Variants in KCNIP1 observed in about 807,000 individuals in gnomAD.
KCNIP1 encodes potassium voltage-gated channel interacting protein 1.
KCNIP1 carries 18 observed loss-of-function variants against 33.0 expected under a neutral mutation model. The observed-to-expected ratio is 0.55, with a 90% CI of 0.38 to 0.81. The LOEUF is 0.81. Ranked by LOEUF, KCNIP1 falls within the 30% of genes least tolerant of loss-of-function variation. The pLI, the probability that KCNIP1 is intolerant of heterozygous loss-of-function variation, is 0.00. For synonymous variants in KCNIP1, 93 were observed against 98.3 expected (o/e 0.95, Z 0.32); for missense variants, 238 against 271.6 (o/e 0.88, Z 0.87).
intron 1 of KCNIP1, among the ~76,000 whole-genome samples, chr5:170,480,828 T>C (rs1194457518): frequency 1.3e-5 from 2 of 152,168 alleles, no homozygotes; most frequent in African/African-American, 4.8e-5. Flanking sequence ...GTTCCCTCTT[T>C]ACATGTTACC....
chr5:170,685,822 A>G (rs1014794698), intron 1 of KCNIP1, among the ~76,000 whole-genome samples: 3 of 152,180 alleles, frequency 2.0e-5, no homozygotes, highest in Non-Finnish European at 4.4e-5. Flanking sequence ...ATTCCATATC[A>G]TAGATTCTGG....
At chr5:170,515,596 T>C (rs1399339220) in intron 1 of KCNIP1, among the ~76,000 whole-genome samples, 1 of 152,194 alleles carries the variant, frequency 6.6e-6, no homozygotes, top group African/African-American at 2.4e-5. Context: ...CCTTACAGTA[T>C]CCCCAGGAAG....
intron 1 of KCNIP1, among the ~76,000 whole-genome samples, chr5:170,548,191 T>C (rs1452239576): frequency 1.3e-5 from 2 of 152,246 alleles, no homozygotes; most frequent in Admixed American, 6.5e-5. Context: ...AAGACATTTT[T>C]ATAGTGTCTT....
At chr5:170,420,728 C>G (rs887230271) in intron 1 of KCNIP1, 1 of 152,170 alleles carries the variant, frequency 6.6e-6, no homozygotes, top group Non-Finnish European at 1.5e-5. Context: ...CCACATCGTT[C>G]AGGGTCAACT....
At chr5:170,499,662 A>C (rs956540862), upstream of KCNIP1, among the ~76,000 whole-genome samples, 2 of 152,190 alleles carry the variant, frequency 1.3e-5, no homozygotes, top group African/African-American at 4.8e-5. Flanking sequence ...AAACATGGCT[A>C]AGGGAGCACT....
At chr5:170,527,979 G>A (rs6874241) in intron 1 of KCNIP1, among the ~76,000 whole-genome samples, 16,690 of 151,892 alleles carry the variant, frequency 0.11, 1,166 homozygotes, top group Middle Eastern at 0.23. Context: ...GTTATTTTTC[G>A]ATTATCCTTT....
chr5:170,673,586 T>G (rs1762006375), intron 1 of KCNIP1, among the ~76,000 whole-genome samples: 1 of 152,184 alleles, frequency 6.6e-6, no homozygotes, highest in Admixed American at 6.5e-5. Flanking sequence ...GCCTATGCTG[T>G]TAAGTGGGCT....
intron 1 of KCNIP1, among the ~76,000 whole-genome samples, chr5:170,354,845 C>T (rs1255167083): frequency 6.6e-6 from 1 of 152,166 alleles, no homozygotes; most frequent in Non-Finnish European, 1.5e-5. Flanking sequence ...TGATGTGGTT[C>T]CACTGGCTGA....
At chr5:170,578,568 C>T (rs1757681953) in intron 1 of KCNIP1, among the ~76,000 whole-genome samples, 1 of 152,164 alleles carries the variant, frequency 6.6e-6, no homozygotes, top group Admixed American at 6.5e-5. Context: ...CGTGGAGAAT[C>T]ACCGCAGAGC....
intron 1 of KCNIP1, among the ~76,000 whole-genome samples, chr5:170,633,771 G>T (rs1760175381): frequency 8.0e-6 from 1 of 125,754 alleles, no homozygotes; most frequent in Non-Finnish European, 1.7e-5. Flanking sequence ...GGGGGGATGG[G>T]GCGGGGCGGG....
rs758678065 is a variant in KCNIP1, at chr5:170,718,764, T to C, written c.68T>C (p.Ile23Thr). The change falls in exon 2 of 8, where the codon ATT (isoleucine) becomes ACT (threonine). Residue 23 changes from isoleucine (I) to threonine (T), a missense_variant. Transcript: ENST00000328939. The part of the protein sequence containing the change: ...TKQRRPSKDK[I>T]EDELEMTMVC... ...CCATCTCCTCTGGTTCCAGATAAGA[T>C]TGAAGATGAGCTGGAGATGACCATG... The C allele has an allele frequency of 8.7e-6, 14 of 1,613,488 alleles. No homozygotes were observed. The highest frequency in any genetic ancestry group is 5.0e-5 in the Admixed American group (3 of 59,944).
intron 1 of KCNIP1, among the ~76,000 whole-genome samples, chr5:170,694,281 T>A (rs1017497774): frequency 2.0e-5 from 3 of 152,222 alleles, no homozygotes; most frequent in African/African-American, 7.2e-5. Context: ...TTCATATATT[T>A]TTAATAAGCC....
chr5:170,721,682 T>C, intron 3 of KCNIP1, 151 bp from the exon 4 acceptor site: 1 of 1,540,794 alleles, frequency 6.5e-7, no homozygotes, highest in Non-Finnish European at 8.9e-7. Flanking sequence ...CCCAAAGAGT[T>C]GAGTCAATGG....
intron 1 of KCNIP1, among the ~76,000 whole-genome samples, chr5:170,490,992 G>A (rs990643835): frequency 2.6e-5 from 4 of 152,178 alleles, no homozygotes; most frequent in Admixed American, 6.5e-5. Flanking sequence ...GATCCCTTCA[G>A]CCCTAATACA....
chr5:170,401,681 G>A (rs1754908309), intron 1 of KCNIP1, among the ~76,000 whole-genome samples: 1 of 151,774 alleles, frequency 6.6e-6, no homozygotes, highest in Non-Finnish European at 1.5e-5. Flanking sequence ...AGGATGGCTT[G>A]AGCCCAGGAA....
intron 1 of KCNIP1, among the ~76,000 whole-genome samples, chr5:170,579,495 C>A (rs934173045): frequency 6.6e-6 from 1 of 152,150 alleles, no homozygotes; most frequent in African/African-American, 2.4e-5. Flanking sequence ...CAGAAGCTGG[C>A]CCTAGATCTC....
intron 1 of KCNIP1, among the ~76,000 whole-genome samples, chr5:170,463,326 TGTG>T (rs1756545470): frequency 6.6e-6 from 1 of 152,168 alleles, no homozygotes; most frequent in Non-Finnish European, 1.5e-5. Flanking sequence ...CATTTCATTT[TGTG>T]AGGCCAGTAT....
At chr5:170,715,852 C>G (rs986322907) in intron 1 of KCNIP1, among the ~76,000 whole-genome samples, 1 of 152,182 alleles carries the variant, frequency 6.6e-6, no homozygotes, top group Non-Finnish European at 1.5e-5. Flanking sequence ...CTAGCAACAT[C>G]TGGCATCAGA....
At position 170,588,741 on chromosome 5, in the gene KCNIP1, C is replaced by T. The variant is rs112125717; in HGVS notation, c.61+84108C>T. The stretch of plus-strand genomic sequence containing the variant: ...CATGTGTAGGCTGTTTCCTGTGATT[C>T]GGTCTGGCTGTCAATGATCTAAGAT... On this transcript the variant is annotated intron_variant, in intron 1 of 7. Transcript: ENST00000328939. Among the ~76,000 whole-genome samples, 735 of 152,216 alleles carry T rather than the reference C, an allele frequency of 4.8e-3. 8 individuals are homozygous for T. The highest frequency in any genetic ancestry group is 0.017 in the African/African-American group (686 of 41,536).
Sources: gnomAD v4.1 joint callset for allele counts (sites outside exome capture counted in the v4.1 genomes callset) on GRCh38, gnomAD v4.1.1 for gene constraint, MANE v1.5 for transcripts, NCBI Gene and HGNC (gene_info 2026-07-23, HGNC 2026-07-21) for gene names.